LYPLAL1: variants seen among roughly 807,000 people sequenced by gnomAD.
LYPLAL1 encodes the protein lysophospholipase-like protein 1.
A neutral mutation model predicts 19.7 loss-of-function variants in LYPLAL1; 23 were observed. The ratio of observed to expected loss-of-function variants is 1.17; its 90% confidence interval spans 0.84 to 1.65. The LOEUF is 1.65. LYPLAL1 is among the 40% of genes most tolerant of loss of function. The pLI is 0.00. For missense variants in LYPLAL1, 355 were observed against 279.4 expected, an observed-to-expected ratio of 1.27 and a Z score of -1.93; for synonymous variants, 119 against 96.3, an observed-to-expected ratio of 1.24 and a Z score of -1.38.
At chr1:219,439,970 TATAC>T in the LYPLAL1 span, among the ~76,000 whole-genome samples, 3 of 122,230 alleles carry the variant, frequency 2.5e-5, no homozygotes, top group African/African-American at 1.2e-4. Flanking sequence ...TATATATATA[TATAC>T]ATATATATAT....
At chr1:219,423,843 C>G in the LYPLAL1 span, among the ~76,000 whole-genome samples, 7 of 151,868 alleles carry the variant, frequency 4.6e-5, no homozygotes, top group Non-Finnish European at 8.8e-5. Context: ...TATTTTCCGT[C>G]TTTTTCTCTC....
intron 2 of LYPLAL1, among the ~76,000 whole-genome samples, chr1:219,190,984 A>G (rs1270855425): frequency 6.6e-6 from 1 of 151,580 alleles, no homozygotes; most frequent in Non-Finnish European, 1.5e-5. Context: ...GTAAAAAGTA[A>G]TTGAACTATA....
At chr1:219,418,228 T>C in the LYPLAL1 span, among the ~76,000 whole-genome samples, 1 of 152,190 alleles carries the variant, frequency 6.6e-6, no homozygotes, top group African/African-American at 2.4e-5. Context: ...GCCAAGAGAA[T>C]GTACTTCCCA....
chr1:219,174,602 C>T (rs951481104), intron 1 of LYPLAL1, among the ~76,000 whole-genome samples: 1 of 152,188 alleles, frequency 6.6e-6, no homozygotes, highest in African/African-American at 2.4e-5. Flanking sequence ...CAGGGACAGG[C>T]ATCTTCCACT....
the LYPLAL1 span, among the ~76,000 whole-genome samples, chr1:219,237,181 G>A: frequency 1.3e-5 from 2 of 152,140 alleles, no homozygotes; most frequent in African/African-American, 4.8e-5. Context: ...CACATTTGAG[G>A]CTGAGAATAT....
the LYPLAL1 span, among the ~76,000 whole-genome samples, chr1:219,221,844 T>C: frequency 6.6e-6 from 1 of 152,164 alleles, no homozygotes; most frequent in African/African-American, 2.4e-5. Flanking sequence ...TATAGGCATG[T>C]AAAACATCAA....
At chr1:219,343,805 C>G in the LYPLAL1 span, among the ~76,000 whole-genome samples, 4 of 152,054 alleles carry the variant, frequency 2.6e-5, no homozygotes, top group Non-Finnish European at 4.4e-5. Context: ...CTTTATAGAG[C>G]TCCTTCATCT....
chr1:219,305,808 C>T, the LYPLAL1 span, among the ~76,000 whole-genome samples: 1 of 152,156 alleles, frequency 6.6e-6, no homozygotes, highest in Admixed American at 6.6e-5. Flanking sequence ...AAATGAGGAT[C>T]CATATATGTC....
At chr1:219,426,476 G>A in the LYPLAL1 span, among the ~76,000 whole-genome samples, 1 of 152,132 alleles carries the variant, frequency 6.6e-6, no homozygotes, top group South Asian at 2.1e-4. Context: ...TCACAGTGGT[G>A]GCAGCAGCAG....
At chr1:219,423,349 C>G in the LYPLAL1 span, among the ~76,000 whole-genome samples, 1,658 of 152,260 alleles carry the variant, frequency 0.011, 18 homozygotes, top group Non-Finnish European at 0.019. Context: ...ACATTCAACT[C>G]TGTGTTATGG....
chr1:219,376,690 T>C, the LYPLAL1 span, among the ~76,000 whole-genome samples: 9 of 152,130 alleles, frequency 5.9e-5, no homozygotes, highest in African/African-American at 2.2e-4. Context: ...ACATGCAAAT[T>C]GTCAATAAGC....
At position 219,208,697 on chromosome 1, in the gene LYPLAL1, A is replaced by G. The variant is rs968631568; in HGVS notation, c.362-1835A>G. On this transcript the variant is annotated intron_variant, in intron 3 of 4. Transcript: ENST00000366928. ...TGTTTCTTACCCTTAAGGGTTTCAAAATCTCAATAATTTATATTCAATAAA... is the reference window on the plus strand; with the variant it reads ...TGTTTCTTACCCTTAAGGGTTTCAAGATCTCAATAATTTATATTCAATAAA... Among the ~76,000 whole-genome samples the G allele has an allele frequency of 4.6e-5, 7 of 152,164 alleles. No homozygotes were observed. In the East Asian group the frequency reaches 1.4e-3, roughly 29 times the overall value.
chr1:219,313,529 CTTT>C, the LYPLAL1 span, among the ~76,000 whole-genome samples: 1 of 146,742 alleles, frequency 6.8e-6, no homozygotes. Context: ...TTTAAAAAAA[CTTT>C]TTTTTTTTTT....
At chr1:219,232,332 T>C in the LYPLAL1 span, among the ~76,000 whole-genome samples, 1 of 141,584 alleles carries the variant, frequency 7.1e-6, no homozygotes, top group African/African-American at 2.7e-5. Context: ...ATATGCATAC[T>C]TTTTAAAAAA....
At chr1:219,404,373 A>G in the LYPLAL1 span, among the ~76,000 whole-genome samples, 1 of 152,200 alleles carries the variant, frequency 6.6e-6, no homozygotes, top group East Asian at 1.9e-4. Flanking sequence ...AGGGGTTGCT[A>G]ATAATCTAGT....
At chr1:219,420,194 TCA>T in the LYPLAL1 span, among the ~76,000 whole-genome samples, 1 of 152,218 alleles carries the variant, frequency 6.6e-6, no homozygotes, top group Non-Finnish European at 1.5e-5. Context: ...TGAAAGTCAC[TCA>T]CAGTGTTAAA....
the LYPLAL1 span, among the ~76,000 whole-genome samples, chr1:219,311,580 A>T: frequency 2.1e-5 from 3 of 140,880 alleles, no homozygotes; most frequent in African/African-American, 5.2e-5. Context: ...TCATCTTTCT[A>T]TCATTCTCTT....
chr1:219,242,193 A>T, the LYPLAL1 span, among the ~76,000 whole-genome samples: 3 of 152,220 alleles, frequency 2.0e-5, no homozygotes, highest in Non-Finnish European at 4.4e-5. Context: ...GTTATTGACC[A>T]GTACTATTGA....
the LYPLAL1 span, among the ~76,000 whole-genome samples, chr1:219,421,947 C>T: frequency 2.0e-5 from 3 of 152,030 alleles, no homozygotes; most frequent in African/African-American, 7.2e-5. Context: ...TCTCTTTCAC[C>T]AACAAAAATT....
Sources: allele counts gnomAD v4.1 joint callset (sites outside exome capture counted in the v4.1 genomes callset), GRCh38; gene constraint gnomAD v4.1.1; transcripts MANE v1.5; gene names NCBI Gene and HGNC (gene_info 2026-07-23, HGNC 2026-07-21).